The following NPAS3 variants were observed in gnomAD, a reference collection of about 807,000 sequenced individuals.
NPAS3 encodes the protein neuronal PAS domain protein 3, also known as neuronal PAS domain-containing protein 3.
A neutral mutation model predicts 73.1 loss-of-function variants in NPAS3; 14 were observed. That is an observed-to-expected ratio of 0.19 (90% CI 0.13 to 0.30). The LOEUF (loss-of-function observed/expected upper bound fraction) is 0.30, where lower values mean the gene tolerates loss of function less well. Among genes scored for constraint, NPAS3 ranks in the 10% least tolerant of loss-of-function variants. The pLI, the probability that NPAS3 is intolerant of heterozygous loss-of-function variation, is 1.00. For synonymous variants in NPAS3, 620 were observed against 541.5 expected, an observed-to-expected ratio of 1.14 and a Z score of -2.01; for missense variants, 1,096 against 1,250.0, an observed-to-expected ratio of 0.88 and a Z score of 1.86.
At chr14:33,676,442 G>A in intron 6 of NPAS3, 57 bp downstream of exon 6, 6 of 1,441,914 alleles carry the variant, frequency 4.2e-6, no homozygotes, top group Non-Finnish European at 4.6e-6. Flanking sequence ...CCAAATGAGT[G>A]TGCTCAAGTT....
intron 5 of NPAS3, among the ~76,000 whole-genome samples, chr14:33,652,568 A>C (rs1471574073): frequency 1.3e-5 from 2 of 152,178 alleles, no homozygotes; most frequent in African/African-American, 4.8e-5. Context: ...GACCGCCGGC[A>C]ACTTCTGGGT....
chr14:33,464,892 A>G (rs2050439202), intron 4 of NPAS3, among the ~76,000 whole-genome samples: 1 of 152,162 alleles, frequency 6.6e-6, no homozygotes, highest in Non-Finnish European at 1.5e-5. Flanking sequence ...CCTGTGACCC[A>G]AGGGGCCTGG....
At chr14:32,938,485 T>TAGAGAGAGAGAGAGAG (rs1491191135), upstream of NPAS3, among the ~76,000 whole-genome samples, 858 of 21,598 alleles carry the variant, frequency 0.04, 87 homozygotes, top group East Asian at 0.053. Context: ...GAGAGAGAAA[T>TAGAGAGAGAGAGAGAG]TGAGAGAGAG....
At chr14:33,726,822 G>A (rs2061280546) in intron 6 of NPAS3, among the ~76,000 whole-genome samples, 2 of 152,160 alleles carry the variant, frequency 1.3e-5, no homozygotes, top group Non-Finnish European at 2.9e-5. Flanking sequence ...AGGGTCATGT[G>A]CTGAGTGAGG....
intron 9 of NPAS3, among the ~76,000 whole-genome samples, chr14:33,784,766 T>TTTTG (rs2063115082): frequency 1.4e-5 from 2 of 141,582 alleles, no homozygotes; most frequent in Non-Finnish European, 3.1e-5. Context: ...TTTTTTTTTT[T>TTTTG]TGAGACAGAG....
intron 6 of NPAS3, among the ~76,000 whole-genome samples, chr14:33,677,883 G>C (rs1054283832): frequency 5.3e-5 from 8 of 152,186 alleles, no homozygotes; most frequent in African/African-American, 1.9e-4. Context: ...CTATGTCAGC[G>C]AGATAACTGG....
intron 2 of NPAS3, among the ~76,000 whole-genome samples, chr14:33,060,316 C>T (rs967469497): frequency 1.3e-5 from 2 of 152,146 alleles, no homozygotes; most frequent in Non-Finnish European, 2.9e-5. Context: ...AAGCCAAGAA[C>T]AATCCGTTCA....
At chr14:33,497,130 A>G (rs541350211) in intron 4 of NPAS3, among the ~76,000 whole-genome samples, 1 of 152,074 alleles carries the variant, frequency 6.6e-6, no homozygotes, top group Non-Finnish European at 1.5e-5. Context: ...AGCTAGGAAT[A>G]CAACTTACAA....
chr14:33,683,592 G>A (rs1353717698), intron 6 of NPAS3, among the ~76,000 whole-genome samples: 1 of 152,132 alleles, frequency 6.6e-6, no homozygotes, highest in East Asian at 1.9e-4. Flanking sequence ...ATACCACTCT[G>A]AATTCTTCAT....
intron 3 of NPAS3, among the ~76,000 whole-genome samples, chr14:33,358,235 T>A (rs1165192214): frequency 6.6e-6 from 1 of 152,012 alleles, no homozygotes; most frequent in Non-Finnish European, 1.5e-5. Flanking sequence ...AGCAGTGGTG[T>A]TGAGGTGGAG....
intron 6 of NPAS3, among the ~76,000 whole-genome samples, chr14:33,694,609 T>C (rs2060323701): frequency 1.3e-5 from 2 of 152,156 alleles, no homozygotes; most frequent in Non-Finnish European, 2.9e-5. Flanking sequence ...CCCTTTATTT[T>C]TTTACAAAGC....
intron 4 of NPAS3, among the ~76,000 whole-genome samples, chr14:33,422,227 G>C (rs1377218002): frequency 6.6e-6 from 1 of 152,066 alleles, no homozygotes; most frequent in South Asian, 2.1e-4. Flanking sequence ...TCTCATCTGA[G>C]AGTTGATGGG....
At position 33,155,655 on chromosome 14, in the gene NPAS3, G is replaced by T. The variant is rs538826540; in HGVS notation, c.141-59527G>T. Reference sequence around the variant, plus strand: ...CAAGTTTCCTTAGCAGATAAACACAGCTATGGAAGAGGTTTCTTCCCTTTG... The same window carrying T: ...CAAGTTTCCTTAGCAGATAAACACATCTATGGAAGAGGTTTCTTCCCTTTG... On this transcript the variant is annotated intron_variant, in intron 2 of 11. Transcript: ENST00000356141. Among the ~76,000 whole-genome samples the T allele has an allele frequency of 7.9e-5, 12 of 152,282 alleles. 1 individual carries two copies. In the South Asian group the frequency reaches 2.5e-3, roughly 32 times the overall value.
In NPAS3 at chr14:33,128,026, A is replaced by G. The variant is rs560338465; in HGVS notation, c.140+72032A>G. 1.8e-3 allele frequency among the ~76,000 whole-genome samples: 273 copies of G among 152,268 alleles called. 2 individuals carry two copies. The highest frequency in any genetic ancestry group is 6.3e-3 in the African/African-American group (263 of 41,558). ...GATTCTACCCTTGTTAATAATAGAG[A>G]AATGGTAAAATTTTATTTTCTTTCA... On this transcript the variant is annotated intron_variant, in intron 2 of 11. Coordinates refer to ENST00000356141, the Ensembl canonical transcript of NPAS3.
At chr14:33,077,102 G>A (rs927576355) in intron 2 of NPAS3, among the ~76,000 whole-genome samples, 2 of 152,170 alleles carry the variant, frequency 1.3e-5, no homozygotes, top group Non-Finnish European at 2.9e-5. Flanking sequence ...TTACTGTCCT[G>A]TGGAGGTAGC....
chr14:33,340,938 AAAAC>A (rs1181965924), intron 3 of NPAS3, among the ~76,000 whole-genome samples: 22 of 152,372 alleles, frequency 1.4e-4, no homozygotes, highest in Admixed American at 9.1e-4. Context: ...ACCTTATACT[AAAAC>A]AAACAAACAC....
At chr14:33,592,373 A>G (rs1168137153) in intron 5 of NPAS3, among the ~76,000 whole-genome samples, 1 of 152,232 alleles carries the variant, frequency 6.6e-6, no homozygotes, top group Non-Finnish European at 1.5e-5. Flanking sequence ...GAGAAGCTTC[A>G]AACTTAATTG....
intron 5 of NPAS3, among the ~76,000 whole-genome samples, chr14:33,641,562 T>C (rs1370937643): frequency 6.6e-6 from 1 of 152,148 alleles, no homozygotes; most frequent in Non-Finnish European, 1.5e-5. Context: ...CTGAGGTTAT[T>C]AACTTCACAA....
chr14:33,038,994 G>A (rs1446643527), intron 1 of NPAS3, among the ~76,000 whole-genome samples: 1 of 152,190 alleles, frequency 6.6e-6, no homozygotes, highest in Non-Finnish European at 1.5e-5. Context: ...AAAAGACTAT[G>A]TGCAGTGTGG....
Sources: gnomAD v4.1 joint callset for allele counts (sites outside exome capture counted in the v4.1 genomes callset) on GRCh38, gnomAD v4.1.1 for gene constraint, MANE v1.5 for transcripts, NCBI Gene and HGNC (gene_info 2026-07-23, HGNC 2026-07-21) for gene names.